The following EXOG variants were observed in gnomAD, a reference collection of about 807,000 sequenced individuals.
The protein encoded by EXOG is nuclease EXOG, mitochondrial.
Under a neutral mutation model 25.8 loss-of-function variants are expected in EXOG, and 27 were observed. That is an observed-to-expected ratio of 1.05 (90% CI 0.77 to 1.45). The LOEUF (loss-of-function observed/expected upper bound fraction) is 1.45. Ranked by LOEUF, EXOG falls within the 40% of genes most tolerant of loss-of-function variation. The pLI is 0.00. For missense variants in EXOG, 458 were observed against 450.5 expected (o/e 1.02, Z -0.15); for synonymous variants, 133 against 167.0 (o/e 0.80, Z 1.57).
At chr3:38,512,799 T>A (rs925328710) in intron 5 of EXOG, among the ~76,000 whole-genome samples, 10 of 152,174 alleles carry the variant, frequency 6.6e-5, no homozygotes, top group South Asian at 4.2e-4. Context: ...ATATATATAT[T>A]TTTAAGTTTT....
At chr3:38,521,162 A>G (rs1421981846) in intron 5 of EXOG, among the ~76,000 whole-genome samples, 2 of 152,238 alleles carry the variant, frequency 1.3e-5, no homozygotes, top group East Asian at 3.8e-4. Flanking sequence ...ACTGAATCAG[A>G]AAAGAGATTA....
intron 5 of EXOG, among the ~76,000 whole-genome samples, chr3:38,521,159 C>G (rs1413051576): frequency 2.6e-5 from 4 of 152,190 alleles, no homozygotes; most frequent in Non-Finnish European, 1.5e-5. Flanking sequence ...CAGACTGAAT[C>G]AGAAAAGAGA....
intron 5 of EXOG, among the ~76,000 whole-genome samples, chr3:38,510,965 A>G (rs923805393): frequency 1.3e-5 from 2 of 152,130 alleles, no homozygotes; most frequent in African/African-American, 4.8e-5. Flanking sequence ...TTCTAAGGTC[A>G]TATCATTAGT....
Position 38,525,552 on chromosome 3 carries a change from C to T in EXOG, c.*1190C>T, listed in dbSNP as rs2060848995. The T allele has an allele frequency of 4.1e-6, 4 of 985,126 alleles. No homozygotes were observed. The highest frequency in any genetic ancestry group is 4.8e-6 in the Non-Finnish European group (4 of 829,694). 61.0% of individuals were successfully genotyped at this position (985,126 alleles called of 1,614,324 possible). A position where few individuals can be genotyped will look rare whatever the true frequency, so the allele number is the denominator to read the frequency against. On this transcript the variant is annotated 3_prime_UTR_variant, in exon 6 of 6. Transcript: ENST00000287675. Reference sequence around the variant, plus strand: ...TGGGGTTTATTAGAGCCCATGCTTGCCTCCAGAGATACAGTTCTTTTAGTG... The same window carrying T: ...TGGGGTTTATTAGAGCCCATGCTTGTCTCCAGAGATACAGTTCTTTTAGTG...
Position 38,524,573 on chromosome 3 carries a change from TGC to T in EXOG, c.*212_*213del. ...TGGGCTTAAGCAATCCTCCTGCCTCTGCCCCCTGAGCAGCTGGGACTACAGGC... is the reference window on the plus strand; with the variant it reads ...TGGGCTTAAGCAATCCTCCTGCCTCTCCCCTGAGCAGCTGGGACTACAGGC... On this transcript the variant is annotated 3_prime_UTR_variant, in exon 6 of 6. Transcript: ENST00000287675. 8.0e-7 allele frequency: 1 copy of T among 1,256,130 alleles called. No individual in the cohort carries two copies. Among genetic ancestry groups the T allele is most frequent in the Middle Eastern group, 3.0e-4 (1 of 3,290 alleles). The allele number at this position is 1,256,130 out of a possible 1,614,324, so 77.8% of individuals were successfully genotyped here.
chr3:38,517,820 A>T, intron 5 of EXOG, among the ~76,000 whole-genome samples: 1 of 152,210 alleles, frequency 6.6e-6, no homozygotes, highest in East Asian at 1.9e-4. Context: ...CTGGAGGAGC[A>T]TATGGTTTTT....
intron 5 of EXOG, among the ~76,000 whole-genome samples, chr3:38,510,774 C>T (rs2060344229): frequency 6.6e-6 from 1 of 151,538 alleles, no homozygotes; most frequent in Non-Finnish European, 1.5e-5. Flanking sequence ...TTCAAGCTAG[C>T]CTTAAAGAGT....
chr3:38,520,150 C>T (rs1437332951), intron 5 of EXOG, among the ~76,000 whole-genome samples: 2 of 152,040 alleles, frequency 1.3e-5, no homozygotes, highest in East Asian at 1.9e-4. Flanking sequence ...TTACAAATGG[C>T]AGGCTTAATA....
Position 38,506,922 on chromosome 3 carries a change from C to CCTTA in EXOG, c.601_604dup (p.Pro202LeufsTer5). On this transcript the variant is annotated frameshift_variant, in exon 5 of 6. Coordinates refer to ENST00000287675, the MANE Select transcript of EXOG (RefSeq NM_005107.4). LOFTEE classifies it low-confidence loss of function (END_TRUNC). ...GTTTGGGTGGTATCTGGGCCTTTGACCTTACCTCAGACTAGAGGCGATGGA... is the reference window on the plus strand; with the variant it reads ...GTTTGGGTGGTATCTGGGCCTTTGACCTTACTTACCTCAGACTAGAGGCGATGGA... The CCTTA allele has an allele frequency of 6.2e-7, 1 of 1,602,274 alleles. No individual in the cohort carries two copies. The highest frequency in any genetic ancestry group is 8.6e-7 in the Non-Finnish European group (1 of 1,169,556).
At chr3:38,515,425 G>T in intron 5 of EXOG, 1 of 159,406 alleles carries the variant, frequency 6.3e-6, no homozygotes, top group Non-Finnish European at 1.4e-5. Flanking sequence ...CAGATGCCCT[G>T]GATCCCTCGA....
At chr3:38,503,118 G>C (rs2125758287) in intron 3 of EXOG, among the ~76,000 whole-genome samples, 1 of 152,364 alleles carries the variant, frequency 6.6e-6, no homozygotes, top group East Asian at 1.9e-4. Flanking sequence ...GTATAGATCA[G>C]TGAGGAAATT....
chr3:38,525,998 T>C lies in EXOG; in HGVS notation c.*1636T>C. ...TGCCCACAAAATCACTAGCTTATTA[T>C]TTGCTTCCTGTGTGCCTGCTTGTCT... On this transcript the variant is annotated 3_prime_UTR_variant, in exon 6 of 6. Transcript: ENST00000287675. 4 of 985,390 alleles carry C rather than the reference T, an allele frequency of 4.1e-6. No homozygotes were observed. Among genetic ancestry groups the C allele is most frequent in the Non-Finnish European group, 4.8e-6 (4 of 829,928 alleles). 61.0% of individuals were successfully genotyped at this position (985,390 alleles called of 1,614,324 possible). A position where few individuals can be genotyped will look rare whatever the true frequency, so the allele number is the denominator to read the frequency against.
At chr3:38,523,285 G>T (rs921145400) in intron 5 of EXOG, 1 of 1,288,346 alleles carries the variant, frequency 7.8e-7, no homozygotes, top group African/African-American at 1.5e-5. Flanking sequence ...AAAAAACCAG[G>T]ACTCACTCAT....
At chr3:38,500,590 C>A (rs955771025) in intron 2 of EXOG, among the ~76,000 whole-genome samples, 1 of 152,194 alleles carries the variant, frequency 6.6e-6, no homozygotes, top group African/African-American at 2.4e-5. Flanking sequence ...TCATTGTTCT[C>A]CATTTTACAC....
intron 4 of EXOG, 121 bp downstream of exon 4, chr3:38,503,812 G>GT (rs2060118767): frequency 8.6e-6 from 5 of 578,492 alleles, no homozygotes; most frequent in South Asian, 8.3e-5. Flanking sequence ...GCCTCTGAAG[G>GT]TAAGTATGTT....
chr3:38,504,881 T>C (rs2060157097), intron 4 of EXOG, among the ~76,000 whole-genome samples: 1 of 152,186 alleles, frequency 6.6e-6, no homozygotes, highest in African/African-American at 2.4e-5. Flanking sequence ...ATATAGTACT[T>C]TGTGGTTTAA....
rs2060773319 is a variant in EXOG at position 38,523,155 on chromosome 3, C to T, written c.646-746C>T. The T allele has an allele frequency of 2.4e-6, 3 of 1,264,326 alleles. No homozygotes were observed. In the Admixed American group the frequency reaches 6.9e-5, roughly 29 times the overall value. The allele number at this position is 1,264,326 out of a possible 1,614,324, so 78.3% of individuals were successfully genotyped here. The stretch of plus-strand genomic sequence containing the variant: ...CCCTAGTGAATTTCATAAACTAAGG[C>T]CATGTTTTTATTTCTAGAGCTGGGA... On this transcript the variant is annotated intron_variant, in intron 5 of 5. Coordinates refer to ENST00000287675, the MANE Select transcript of EXOG (RefSeq NM_005107.4).
At chr3:38,497,571 T>A in intron 1 of EXOG, 58 bp from the exon 2 acceptor site, 1 of 1,486,466 alleles carries the variant, frequency 6.7e-7, no homozygotes. Flanking sequence ...AGCCACTAAT[T>A]GTGTGTGTGT....
At position 38,497,673 on chromosome 3, in the gene EXOG, A is replaced by C; in HGVS notation, c.208A>C (p.Thr70Pro). The stretch of plus-strand genomic sequence containing the variant: ...CTTGGAACAATTTGGATTCCCTTTA[A>C]CTGGAACAGAGGCAAGGTGTTACAC... ...AVLEQFGFPL[T>P]GTEARCYTNH... The change falls in exon 2 of 6, where the codon ACT (threonine) becomes CCT (proline). Residue 70 changes from threonine (T) to proline (P), a missense_variant. Coordinates refer to ENST00000287675, the MANE Select transcript of EXOG (RefSeq NM_005107.4). The C allele has an allele frequency of 1.2e-6, 2 of 1,605,830 alleles. No individual in the cohort carries two copies. The highest frequency in any genetic ancestry group is 1.7e-6 in the Non-Finnish European group (2 of 1,178,362).
Sources: gnomAD v4.1 joint callset for allele counts (sites outside exome capture counted in the v4.1 genomes callset) on GRCh38, gnomAD v4.1.1 for gene constraint, MANE v1.5 for transcripts, NCBI Gene and HGNC (gene_info 2026-07-23, HGNC 2026-07-21) for gene names.